The following SRC variants were observed in gnomAD, a reference collection of about 807,000 sequenced individuals.
SRC encodes the protein proto-oncogene tyrosine-protein kinase Src.
A neutral mutation model predicts 62.9 loss-of-function variants in SRC; 13 were observed. That is an observed-to-expected ratio of 0.21 (90% CI 0.13 to 0.33). The LOEUF (loss-of-function observed/expected upper bound fraction) is 0.33. Ranked by LOEUF, SRC falls within the 10% of genes least tolerant of loss-of-function variation. The probability of loss-of-function intolerance (pLI) is 1.00; values close to 1 mark genes in which losing one functional copy is unlikely to be tolerated. For synonymous variants in SRC, 302 were observed against 317.5 expected (o/e 0.95, Z 0.52); for missense variants, 457 against 737.3 (o/e 0.62, Z 4.40).
intron 2 of SRC, among the ~76,000 whole-genome samples, chr20:37,371,945 C>A (rs1161191227): frequency 2.6e-5 from 4 of 152,112 alleles, no homozygotes; most frequent in East Asian, 1.9e-4. Flanking sequence ...TCCAATCCGC[C>A]CCCCCTTGGT....
At chr20:37,385,427 C>T (rs1164490504) in intron 4 of SRC, among the ~76,000 whole-genome samples, 1 of 152,112 alleles carries the variant, frequency 6.6e-6, no homozygotes, top group Non-Finnish European at 1.5e-5. Context: ...ACAGAACCCA[C>T]CTGGGGGAAG....
upstream of SRC, chr20:37,346,125 C>T: frequency 6.5e-6 from 1 of 152,688 alleles, no homozygotes; most frequent in East Asian, 2.0e-4. Context: ...ATCTGTCTCT[C>T]CCGGCCCGGA....
intron 2 of SRC, among the ~76,000 whole-genome samples, chr20:37,373,212 AC>A (rs1026383352): frequency 6.8e-6 from 1 of 146,532 alleles, no homozygotes; most frequent in Non-Finnish European, 1.5e-5. Flanking sequence ...ATATCTACAC[AC>A]ATGTACATAC....
rs139327733 is a variant in SRC at position 37,389,350 on chromosome 20, G to A, written c.350+3176G>A. 9.6e-3 allele frequency among the ~76,000 whole-genome samples: 1,456 copies of A among 152,206 alleles called. 34 individuals are homozygous for A. The highest frequency in any genetic ancestry group is 0.033 in the African/African-American group (1,355 of 41,522). ...TTCTTTTGGGAGTTTTCTGGCAGGC[G>A]CTTCTGGGCAACAGCGCCTCAGCTG... On this transcript the variant is annotated intron_variant, in intron 5 of 13. Transcript: ENST00000373578.
chr20:37,401,853 G>A, intron 11 of SRC, 175 bp downstream of exon 11: 1 of 514,766 alleles, frequency 1.9e-6, no homozygotes, highest in Non-Finnish European at 3.4e-6. Flanking sequence ...TGCCCTGAGG[G>A]GTGATTCTGG....
Position 37,394,273 on chromosome 20 carries a change from G to A in SRC, c.549G>A (p.Thr183=), listed in dbSNP as rs747612951. ...TCCTCGTGCGAGAAAGTGAGACCAC[G>A]AAAGGTACGAGCGCTCTTGCTGGCC... ...GTFLVRESET[T]KGAYCLSVSD... Residue 183 remains threonine, a synonymous_variant, in exon 7 of 14, where the codon ACG becomes ACA. Transcript: ENST00000373578. 9.9e-6 allele frequency: 16 copies of A among 1,613,696 alleles called. No homozygotes were observed. The African/African-American group carries it at 1.3e-4, about 13-fold the overall frequency.
At chr20:37,393,696 A>G (rs1601009993) in intron 5 of SRC, 199 bp from the exon 6 acceptor site, 12 of 563,028 alleles carry the variant, frequency 2.1e-5, no homozygotes, top group East Asian at 1.7e-4. Context: ...TTTGGCAAAA[A>G]GGCGTCTGCG....
intron 1 of SRC, among the ~76,000 whole-genome samples, chr20:37,362,872 C>T (rs761604726): frequency 6.6e-5 from 10 of 152,122 alleles, no homozygotes; most frequent in Non-Finnish European, 1.3e-4. Context: ...GGGAAGAGAG[C>T]GCCACCCTGG....
chr20:37,400,314 G>A lies in SRC; in HGVS notation c.1039+20G>A. On this transcript the variant is annotated intron_variant, in intron 10 of 13. Transcript: ENST00000373578. ...GCAAGGGTGAGTCCTGGGCGGCCGG[G>A]GCAGGGGGCAGGGGCACTCCGGACA... 6 of 1,589,262 alleles carry A rather than the reference G, an allele frequency of 3.8e-6. No homozygotes were observed. Among genetic ancestry groups the A allele is most frequent in the Non-Finnish European group, 5.2e-6 (6 of 1,164,504 alleles).
At position 37,351,712 on chromosome 20, in the gene SRC, C is replaced by T. The variant is rs781498516; in HGVS notation, c.-247+5457C>T. Among the ~76,000 whole-genome samples the T allele has an allele frequency of 1.3e-5, 2 of 152,126 alleles. No individual in the cohort carries two copies. Among genetic ancestry groups the T allele is most frequent in the Non-Finnish European group, 2.9e-5 (2 of 68,042 alleles). ...CTGAGCTGGGTCATAATAAGGTGAC[C>T]CATTGTGTCCCTTGCTCCATCCTGG... On this transcript the variant is annotated intron_variant, in intron 1 of 13. Transcript: ENST00000373578. The surrounding 1 kb of genome is among the most constrained non-coding windows in gnomAD (Gnocchi z 4.4).
At chr20:37,365,363 CA>C (rs1273130048) in intron 2 of SRC, 86 bp downstream of exon 2, 1 of 146,630 alleles carries the variant, frequency 6.8e-6, no homozygotes, top group Non-Finnish European at 1.5e-5. Flanking sequence ...CACACACACA[CA>C]CACACACGAC....
At chr20:37,366,401 A>G (rs1385372484) in intron 2 of SRC, among the ~76,000 whole-genome samples, 2 of 152,246 alleles carry the variant, frequency 1.3e-5, no homozygotes, top group Non-Finnish European at 2.9e-5. Context: ...CAATTTATCT[A>G]TTTAAAGTAT....
intron 2 of SRC, among the ~76,000 whole-genome samples, chr20:37,366,184 G>T (rs972018606): frequency 6.6e-6 from 1 of 152,138 alleles, no homozygotes; most frequent in Non-Finnish European, 1.5e-5. Context: ...TTGCAGGGCC[G>T]GTGGGTGTGT....
chr20:37,388,314 G>C (rs1380412400), intron 5 of SRC, among the ~76,000 whole-genome samples: 1 of 152,232 alleles, frequency 6.6e-6, no homozygotes, highest in African/African-American at 2.4e-5. Context: ...TTGGCCAGGA[G>C]GCTGGGGCTG....
rs1017570399 is a variant in SRC at position 37,402,961 on chromosome 20, G to T, written c.1402+81G>T. On this transcript the variant is annotated intron_variant, in intron 13 of 13. Coordinates refer to ENST00000373578, the MANE Select transcript of SRC (RefSeq NM_198291.3). This position sits in a 1 kb window ranked among gnomAD's most constrained non-coding sequence, Gnocchi z 6.2. ...CTTGGGCAAGTCATGACTCCTGCTGGGCCTGTTTCCCCACCCGTAAAACAA... is the reference window on the plus strand; with the variant it reads ...CTTGGGCAAGTCATGACTCCTGCTGTGCCTGTTTCCCCACCCGTAAAACAA... 1 of 1,521,184 alleles carries T rather than the reference G, an allele frequency of 6.6e-7. No homozygotes were observed. Among genetic ancestry groups the T allele is most frequent in the African/African-American group, 1.4e-5 (1 of 71,796 alleles). 94.2% of individuals were successfully genotyped at this position (1,521,184 alleles called of 1,614,324 possible).
At chr20:37,365,370 ACG>A (rs1491111279) in intron 2 of SRC, 93 bp downstream of exon 2, 1 of 139,440 alleles carries the variant, frequency 7.2e-6, no homozygotes, top group African/African-American at 2.6e-5. Flanking sequence ...ACACACACAC[ACG>A]ACAGGGAAAA....
intron 2 of SRC, among the ~76,000 whole-genome samples, chr20:37,373,446 C>T (rs911431155): frequency 4.2e-5 from 4 of 94,720 alleles, no homozygotes; most frequent in South Asian, 2.5e-4. Flanking sequence ...CGCATATATA[C>T]GCATATATGC....
chr20:37,362,513 C>A (rs528106134), intron 1 of SRC, among the ~76,000 whole-genome samples: 1 of 152,076 alleles, frequency 6.6e-6, no homozygotes, highest in Non-Finnish European at 1.5e-5. Flanking sequence ...AGTGCCATTG[C>A]CCCCAGCCCA....
intron 2 of SRC, among the ~76,000 whole-genome samples, chr20:37,368,518 C>CTTTTTTTTTTGTTTTTTTTT (rs2070101835): frequency 1.4e-5 from 1 of 73,898 alleles, no homozygotes; most frequent in Non-Finnish European, 2.7e-5. Context: ...CCTATATTTT[C>CTTTTTTTTTTGTTTTTTTTT]TTTTTTTTTT....
Sources: gnomAD v4.1 joint callset for allele counts (sites outside exome capture counted in the v4.1 genomes callset) on GRCh38, gnomAD v4.1.1 for gene constraint, Gnocchi (gnomAD v3.1) non-coding constraint, MANE v1.5 for transcripts, NCBI Gene and HGNC (gene_info 2026-07-23, HGNC 2026-07-21) for gene names.